The following NXN variants were observed in gnomAD, a reference collection of about 807,000 sequenced individuals.
NXN encodes the protein nucleoredoxin.
NXN carries 16 observed loss-of-function variants against 48.6 expected under a neutral mutation model. The ratio of observed to expected loss-of-function variants is 0.33; its 90% CI spans 0.22 to 0.50. The LOEUF (loss-of-function observed/expected upper bound fraction) is 0.50. Among genes scored for constraint, NXN ranks in the 20% least tolerant of loss-of-function variants. The pLI, the probability that NXN is intolerant of heterozygous loss-of-function variation, is 0.98. For synonymous variants in NXN, 281 were observed against 269.6 expected (o/e 1.04, Z -0.41); for missense variants, 492 against 605.5 (o/e 0.81, Z 1.97).
chr17:946,138 TC>T (rs2069040485), intron 1 of NXN, among the ~76,000 whole-genome samples: 1 of 151,320 alleles, frequency 6.6e-6, no homozygotes, highest in South Asian at 2.1e-4. Flanking sequence ...CAGAAGACTA[TC>T]TCTTTTTTTT....
chr17:803,863 C>T (rs1443296997), intron 6 of NXN, 57 bp from the exon 7 acceptor site: 5 of 1,599,864 alleles, frequency 3.1e-6, no homozygotes, highest in Admixed American at 1.7e-5. Context: ...GCTTGTCAAA[C>T]AGAGCGGCAC....
At chr17:912,296 G>T (rs2068643997) in intron 1 of NXN, among the ~76,000 whole-genome samples, 1 of 152,046 alleles carries the variant, frequency 6.6e-6, no homozygotes, top group Admixed American at 6.6e-5. Context: ...AAATGGAACG[G>T]TGTAGTTCAA....
At chr17:952,257 C>G (rs55692953) in intron 1 of NXN, among the ~76,000 whole-genome samples, 331 of 8,758 alleles carry the variant, frequency 0.038, 17 homozygotes, top group Admixed American at 0.076. Flanking sequence ...TGGGGTCAGA[C>G]AGACCAAGGT....
chr17:909,986 G>C (rs994499404), intron 1 of NXN: 4 of 152,140 alleles, frequency 2.6e-5, no homozygotes, highest in Admixed American at 6.5e-5. Context: ...TCTTATGAAA[G>C]AATCATGAAA....
In NXN at chr17:854,451, A is replaced by C. The variant is rs569599157; in HGVS notation, c.361-28373T>G. On this transcript the variant is annotated intron_variant, in intron 1 of 7. Transcript: ENST00000336868. ...ATCACAAGGTCAGGAGACTGAGACC[A>C]TCCTGGCTAACACGGTGAAACCCTG... Among the ~76,000 whole-genome samples the C allele has an allele frequency of 2.0e-5, 3 of 147,218 alleles. No homozygotes were observed. The East Asian group carries it at 6.2e-4, about 31-fold the overall frequency.
chr17:834,048 G>A (rs183596645), intron 1 of NXN, among the ~76,000 whole-genome samples: 258 of 152,318 alleles, frequency 1.7e-3, no homozygotes, highest in African/African-American at 5.4e-3. Flanking sequence ...GGCCAGGTGC[G>A]GTGGCTCACG....
intron 5 of NXN, among the ~76,000 whole-genome samples, chr17:810,145 C>CTG (rs1911875087): frequency 3.0e-5 from 2 of 67,436 alleles, no homozygotes; most frequent in African/African-American, 7.3e-5. Flanking sequence ...CGTTACGAGT[C>CTG]TGTGACTGGC....
chr17:915,072 A>C (rs939458354), intron 1 of NXN, among the ~76,000 whole-genome samples: 4 of 148,862 alleles, frequency 2.7e-5, no homozygotes, highest in South Asian at 2.1e-4. Flanking sequence ...ATAGCTGGGA[A>C]TACAGGCACC....
intron 1 of NXN, among the ~76,000 whole-genome samples, chr17:882,161 G>T (rs1021880351): frequency 6.6e-6 from 1 of 152,128 alleles, no homozygotes; most frequent in African/African-American, 2.4e-5. Flanking sequence ...ATCTCATCTA[G>T]AGCCAGGTAA....
At chr17:835,329 C>T (rs894338959) in intron 1 of NXN, among the ~76,000 whole-genome samples, 4 of 146,830 alleles carry the variant, frequency 2.7e-5, no homozygotes, top group East Asian at 2.0e-4. Flanking sequence ...AAAAAGAAAA[C>T]GTCATAGCAA....
intron 1 of NXN, among the ~76,000 whole-genome samples, chr17:856,769 C>T (rs1597667803): frequency 1.3e-5 from 2 of 152,074 alleles, no homozygotes; most frequent in African/African-American, 2.4e-5. Flanking sequence ...AGTGAGCCGC[C>T]GGCCACGCCC....
chr17:803,011 G>A (rs1368207429), intron 7 of NXN, among the ~76,000 whole-genome samples: 2 of 152,222 alleles, frequency 1.3e-5, no homozygotes, highest in African/African-American at 4.8e-5. Context: ...GCTCAAGAAT[G>A]AGAGCCTGCA....
rs532609588 is a variant in NXN at position 917,298 on chromosome 17, T to C, written c.360+62021A>G. On this transcript the variant is annotated intron_variant, in intron 1 of 7. Coordinates refer to ENST00000336868, the MANE Select transcript of NXN (RefSeq NM_022463.5). This position sits in a 1 kb window ranked among gnomAD's most constrained non-coding sequence, Gnocchi z 4.5. ...CTGGGACTACAGGCGCCCGCCACCA[T>C]GCCCAGCTAATTTTTTGTATTTTTA... 4.9e-3 allele frequency among the ~76,000 whole-genome samples: 740 copies of C among 152,292 alleles called. 7 individuals carry two copies. Among genetic ancestry groups the C allele is most frequent in the Admixed American group, 7.8e-3 (120 of 15,288 alleles).
chr17:920,085 A>G lies in NXN; in HGVS notation c.360+59234T>C, dbSNP rs2068730623. ...GTGCAAATGTTTGTATTTTTGGTGG[A>G]GACAAGGTTTCGCCATGTTGCCCAG... On this transcript the variant is annotated intron_variant, in intron 1 of 7. Transcript: ENST00000336868. The surrounding 1 kb of genome is among the most constrained non-coding windows in gnomAD (Gnocchi z 4.6). Among the ~76,000 whole-genome samples, 1 of 152,062 alleles carries G rather than the reference A, an allele frequency of 6.6e-6. No homozygotes were observed. Among genetic ancestry groups the G allele is most frequent in the South Asian group, 2.1e-4 (1 of 4,826 alleles).
chr17:889,231 A>G (rs1005092430), intron 1 of NXN, among the ~76,000 whole-genome samples: 1 of 152,042 alleles, frequency 6.6e-6, no homozygotes, highest in Non-Finnish European at 1.5e-5. Flanking sequence ...TTGCCTTCTC[A>G]GGAGGATTAA....
At chr17:900,681 G>A (rs903110156) in intron 1 of NXN, among the ~76,000 whole-genome samples, 10 of 152,158 alleles carry the variant, frequency 6.6e-5, no homozygotes, top group Non-Finnish European at 1.5e-4. Context: ...CTAAACTTTA[G>A]CACTTTATTA....
At chr17:824,535 G>C (rs1325113650) in intron 2 of NXN, among the ~76,000 whole-genome samples, 1 of 152,172 alleles carries the variant, frequency 6.6e-6, no homozygotes, top group Non-Finnish European at 1.5e-5. Flanking sequence ...TTCACATCCC[G>C]GCCGTCACAT....
chr17:891,256 G>A (rs1342535591), intron 1 of NXN, among the ~76,000 whole-genome samples: 1 of 152,062 alleles, frequency 6.6e-6, no homozygotes, highest in Non-Finnish European at 1.5e-5. Flanking sequence ...TTGTAGAAAT[G>A]AGGTCTCATC....
At chr17:940,838 G>C (rs1351914673) in intron 1 of NXN, among the ~76,000 whole-genome samples, 1 of 150,002 alleles carries the variant, frequency 6.7e-6, no homozygotes, top group African/African-American at 2.5e-5. Flanking sequence ...ACACCTTCCT[G>C]GATTTACAGT....
Sources: allele counts gnomAD v4.1 joint callset (sites outside exome capture counted in the v4.1 genomes callset), GRCh38; gene constraint gnomAD v4.1.1; non-coding constraint Gnocchi (gnomAD v3.1); transcripts MANE v1.5; gene names NCBI Gene and HGNC (gene_info 2026-07-23, HGNC 2026-07-21).